The following CSMD1 variants were observed in gnomAD, a reference collection of about 807,000 sequenced individuals.
CSMD1 encodes CUB and sushi domain-containing protein 1.
Under a neutral mutation model 417.5 loss-of-function variants are expected in CSMD1, and 213 were observed. The ratio of observed to expected loss-of-function variants is 0.51; its 90% CI spans 0.46 to 0.57. The LOEUF (loss-of-function observed/expected upper bound fraction) is 0.57, where lower values mean the gene tolerates loss of function less well. Ranked by LOEUF, CSMD1 falls within the 20% of genes least tolerant of loss-of-function variation. CSMD1 has a pLI of 0.00. For missense variants in CSMD1, 6,923 were observed against 4,529.7 expected (o/e 1.53, Z -15.17); for synonymous variants, 2,862 against 1,736.8 (o/e 1.65, Z -16.11).
At chr8:4,530,217 ATTG>A (rs1466326099) in intron 2 of CSMD1, among the ~76,000 whole-genome samples, 1 of 146,916 alleles carries the variant, frequency 6.8e-6, no homozygotes, top group East Asian at 2.1e-4. Context: ...CAGGCCTGCC[ATTG>A]TTATTTGTGA....
chr8:3,976,391 G>C (rs1039525525), intron 5 of CSMD1, among the ~76,000 whole-genome samples: 1 of 152,162 alleles, frequency 6.6e-6, no homozygotes, highest in Admixed American at 6.5e-5. Flanking sequence ...CTTTCTTCAA[G>C]TTGCTGCTTC....
chr8:4,028,675 C>A (rs979974205), intron 4 of CSMD1, among the ~76,000 whole-genome samples: 2 of 152,134 alleles, frequency 1.3e-5, no homozygotes, highest in African/African-American at 4.8e-5. Context: ...CATTTACTAT[C>A]TCTGGAACCT....
At chr8:4,027,685 C>T (rs1241093438) in intron 4 of CSMD1, among the ~76,000 whole-genome samples, 1 of 152,094 alleles carries the variant, frequency 6.6e-6, no homozygotes, top group South Asian at 2.1e-4. Flanking sequence ...CGGACTAATA[C>T]AGATGACAAC....
At chr8:4,042,912 G>T (rs891387909) in intron 3 of CSMD1, among the ~76,000 whole-genome samples, 2 of 148,738 alleles carry the variant, frequency 1.3e-5, no homozygotes, top group Non-Finnish European at 3.0e-5. Context: ...AAGATTATGA[G>T]TTCAGGAGTT....
At position 3,161,896 on chromosome 8, in the gene CSMD1, G is replaced by C. The variant is rs150522157; in HGVS notation, c.5844+263C>G. ...TGATATTTTGCCCCTAGAATGCTCT[G>C]TGCATAGTTATTGGGAACGCATATA... is the stretch of plus-strand genomic sequence containing the variant. On this transcript the variant is annotated intron_variant, in intron 38 of 69. Coordinates refer to ENST00000635120, the MANE Select transcript of CSMD1 (RefSeq NM_033225.6). 3.3e-4 allele frequency among the ~76,000 whole-genome samples: 51 copies of C among 152,240 alleles called. 1 individual carries two copies. The highest frequency in any genetic ancestry group is 5.8e-4 in the East Asian group (3 of 5,184).
chr8:4,849,089 G>T (rs904505792), intron 1 of CSMD1, among the ~76,000 whole-genome samples: 1 of 152,176 alleles, frequency 6.6e-6, no homozygotes, highest in Non-Finnish European at 1.5e-5. Flanking sequence ...GGTGGTAGAA[G>T]ACAGTGATAT....
At chr8:3,384,119 T>A (rs576332294) in intron 18 of CSMD1, among the ~76,000 whole-genome samples, 2 of 152,248 alleles carry the variant, frequency 1.3e-5, no homozygotes, top group South Asian at 2.1e-4. Context: ...TACATGGTCT[T>A]GAGCTGACAG....
intron 14 of CSMD1, among the ~76,000 whole-genome samples, chr8:3,406,536 C>T (rs1214517940): frequency 1.3e-5 from 2 of 152,074 alleles, no homozygotes; most frequent in Non-Finnish European, 2.9e-5. Flanking sequence ...TGTCTGGGCT[C>T]AAGATTTCTC....
At chr8:3,365,994 T>C (rs1261480290) in intron 20 of CSMD1, among the ~76,000 whole-genome samples, 6 of 152,166 alleles carry the variant, frequency 3.9e-5, no homozygotes, top group East Asian at 1.9e-4. Context: ...TACTCAACTA[T>C]TGTGACACAT....
At chr8:4,912,916 G>T (rs1186217409) in intron 1 of CSMD1, among the ~76,000 whole-genome samples, 1 of 152,060 alleles carries the variant, frequency 6.6e-6, no homozygotes, top group African/African-American at 2.4e-5. Flanking sequence ...TTCCCAAGTA[G>T]CTGGGACTAC....
At chr8:3,101,700 T>G (rs1233395120) in intron 46 of CSMD1, among the ~76,000 whole-genome samples, 1 of 151,964 alleles carries the variant, frequency 6.6e-6, no homozygotes, top group Non-Finnish European at 1.5e-5. Context: ...AATAGGATTA[T>G]AGGCATGAGC....
At chr8:3,583,877 C>A (rs555860535) in intron 9 of CSMD1, among the ~76,000 whole-genome samples, 1 of 151,568 alleles carries the variant, frequency 6.6e-6, no homozygotes. Context: ...TCCATCTTAT[C>A]AACTGATGCA....
At chr8:3,857,514 G>C (rs1049945827) in intron 5 of CSMD1, among the ~76,000 whole-genome samples, 1 of 152,176 alleles carries the variant, frequency 6.6e-6, no homozygotes, top group African/African-American at 2.4e-5. Flanking sequence ...AGAAATAGTA[G>C]ATGATTTGCT....
At chr8:3,086,764 T>G (rs978338497) in intron 49 of CSMD1, among the ~76,000 whole-genome samples, 6 of 152,176 alleles carry the variant, frequency 3.9e-5, no homozygotes, top group African/African-American at 1.4e-4. Context: ...TTTCCAGAAA[T>G]TAATGTTTTT....
chr8:3,979,946 G>C (rs574815448), intron 5 of CSMD1, among the ~76,000 whole-genome samples: 39 of 152,258 alleles, frequency 2.6e-4, no homozygotes, highest in African/African-American at 8.2e-4. Context: ...ATGAACTATA[G>C]CTTCAGCCAA....
At chr8:4,341,777 G>A (rs546860132) in intron 3 of CSMD1, among the ~76,000 whole-genome samples, 1 of 152,212 alleles carries the variant, frequency 6.6e-6, no homozygotes, top group East Asian at 1.9e-4. Flanking sequence ...ATAATATTGT[G>A]CAGATTTCAG....
intron 3 of CSMD1, among the ~76,000 whole-genome samples, chr8:4,050,680 T>C (rs1478406347): frequency 1.3e-5 from 2 of 152,046 alleles, no homozygotes; most frequent in Admixed American, 6.6e-5. Flanking sequence ...CCATTACACA[T>C]CCCCACTTCC....
chr8:2,955,859 A>T, intron 63 of CSMD1, 91 bp from the exon 64 acceptor site: 1 of 1,115,532 alleles, frequency 9.0e-7, no homozygotes, highest in Non-Finnish European at 1.3e-6. Flanking sequence ...TAGTTTGGAA[A>T]TGGTTATGCA....
intron 3 of CSMD1, among the ~76,000 whole-genome samples, chr8:4,033,058 A>T (rs192834454): frequency 1.4e-5 from 2 of 144,442 alleles, no homozygotes; most frequent in East Asian, 4.3e-4. Flanking sequence ...CTTTCTTCTA[A>T]CCCAGACATT....
Sources: allele counts gnomAD v4.1 joint callset (sites outside exome capture counted in the v4.1 genomes callset), GRCh38; gene constraint gnomAD v4.1.1; transcripts MANE v1.5; gene names NCBI Gene and HGNC (gene_info 2026-07-23, HGNC 2026-07-21).